CDH22: variants seen among roughly 807,000 people sequenced by gnomAD.
CDH22 encodes cadherin 22.
Under a neutral mutation model 58.4 loss-of-function variants are expected in CDH22, and 30 were observed. The observed-to-expected ratio is 0.51, with a 90% CI of 0.38 to 0.70. The LOEUF (loss-of-function observed/expected upper bound fraction) is 0.70, where lower values mean the gene tolerates loss of function less well. Ranked by LOEUF, CDH22 falls within the 30% of genes least tolerant of loss-of-function variation. CDH22 has a pLI of 0.00. For synonymous variants in CDH22, 513 were observed against 558.2 expected (o/e 0.92, Z 1.14); for missense variants, 1,014 against 1,233.9 (o/e 0.82, Z 2.67).
intron 1 of CDH22, among the ~76,000 whole-genome samples, chr20:46,287,416 C>G (rs980271315): frequency 1.3e-5 from 2 of 152,076 alleles, no homozygotes; most frequent in African/African-American, 4.8e-5. Flanking sequence ...ACAGGGAGCT[C>G]GGACTAGTCT....
chr20:46,305,513 A>T (rs1156525413), intron 1 of CDH22, among the ~76,000 whole-genome samples: 1 of 152,148 alleles, frequency 6.6e-6, no homozygotes, highest in Non-Finnish European at 1.5e-5. Context: ...GGGAGGAATG[A>T]GGAAGTCCTT....
chr20:46,292,119 A>G (rs1427399093), intron 1 of CDH22, among the ~76,000 whole-genome samples: 1 of 152,168 alleles, frequency 6.6e-6, no homozygotes, highest in Non-Finnish European at 1.5e-5. Flanking sequence ...GTCACACCTT[A>G]CCCAAGGTCA....
chr20:46,189,116 G>A (rs966239408), intron 8 of CDH22, among the ~76,000 whole-genome samples: 2 of 152,176 alleles, frequency 1.3e-5, no homozygotes, highest in Admixed American at 6.5e-5. Flanking sequence ...CTGGGGGGGC[G>A]GGCGGCGGTC....
At position 46,238,561 on chromosome 20, in the gene CDH22, T is replaced by C. The variant is rs2086269852; in HGVS notation, c.550+2402A>G. 2.6e-5 allele frequency among the ~76,000 whole-genome samples: 4 copies of C among 152,238 alleles called. No homozygotes were observed. In the South Asian group the frequency reaches 8.3e-4, roughly 31 times the overall value. On this transcript the variant is annotated intron_variant, in intron 3 of 11. Coordinates refer to ENST00000537909, the MANE Select transcript of CDH22 (RefSeq NM_021248.3). ...CTTAACAAACTTCACGCCAAACTCCTAATTTCCTCTCATCCCCCAAATCTG... is the reference window on the plus strand; with the variant it reads ...CTTAACAAACTTCACGCCAAACTCCCAATTTCCTCTCATCCCCCAAATCTG...
rs753529105 is a variant in CDH22 at position 46,241,203 on chromosome 20, C to T, written c.310G>A (p.Glu104Lys). 6.2e-7 allele frequency: 1 copy of T among 1,613,794 alleles called. No homozygotes were observed. Among genetic ancestry groups the T allele is most frequent in the East Asian group, 2.2e-5 (1 of 44,882 alleles). ...ATCAGGAAGATGGTCCCAGCACCCTCGCCTGAGATGGTGTACTTGATGGCC... is the reference window on the plus strand; with the variant it reads ...ATCAGGAAGATGGTCCCAGCACCCTTGCCTGAGATGGTGTACTTGATGGCC... Reference protein sequence around the residue: ...DGAIKYTISGEGAGTIFLIDE... With the variant: ...DGAIKYTISGKGAGTIFLIDE... Residue 104 changes from glutamate to lysine, a missense_variant, in exon 3 of 12, where the codon GAG (glutamate) becomes AAG (lysine). Transcript: ENST00000537909. The surrounding 1 kb of genome is among the most constrained non-coding windows in gnomAD (Gnocchi z 5.2).
chr20:46,224,159 T>A (rs1239788028), intron 4 of CDH22, among the ~76,000 whole-genome samples: 1 of 152,158 alleles, frequency 6.6e-6, no homozygotes. Flanking sequence ...GGCTGTGAAG[T>A]CTTAATCTAA....
At chr20:46,306,279 G>T (rs1326056918) in intron 1 of CDH22, among the ~76,000 whole-genome samples, 1 of 152,242 alleles carries the variant, frequency 6.6e-6, no homozygotes, top group Non-Finnish European at 1.5e-5. Context: ...AAGATGCCTG[G>T]GTTCCTATTC....
At chr20:46,220,094 GAGAC>G (rs915977190) in intron 4 of CDH22, among the ~76,000 whole-genome samples, 6 of 151,714 alleles carry the variant, frequency 4.0e-5, no homozygotes, top group Non-Finnish European at 8.8e-5. Flanking sequence ...CAGGAGGAAA[GAGAC>G]AGAGAGGAAG....
At chr20:46,282,906 A>G (rs528083660) in intron 1 of CDH22, among the ~76,000 whole-genome samples, 1 of 152,246 alleles carries the variant, frequency 6.6e-6, no homozygotes, top group South Asian at 2.1e-4. Context: ...TTTGTTCAGG[A>G]AGGCGGGCTC....
intron 2 of CDH22, among the ~76,000 whole-genome samples, chr20:46,245,537 A>ATG (rs546735178): frequency 7.3e-5 from 11 of 151,698 alleles, no homozygotes; most frequent in African/African-American, 2.4e-4. Context: ...AAAGTTGAAT[A>ATG]TGTGTGTGTG....
chr20:46,270,008 C>T (rs1435609942), intron 1 of CDH22, among the ~76,000 whole-genome samples: 1 of 152,162 alleles, frequency 6.6e-6, no homozygotes, highest in Non-Finnish European at 1.5e-5. Flanking sequence ...GGTAGGCTTG[C>T]TGCAGCAGGA....
At chr20:46,307,432 C>G (rs1242727666) in intron 1 of CDH22, among the ~76,000 whole-genome samples, 1 of 152,230 alleles carries the variant, frequency 6.6e-6, no homozygotes, top group Non-Finnish European at 1.5e-5. Context: ...AACGCCGCGG[C>G]CCCCGAGGGT....
At chr20:46,175,932 C>G (rs2085735348) in intron 11 of CDH22, among the ~76,000 whole-genome samples, 1 of 152,200 alleles carries the variant, frequency 6.6e-6, no homozygotes, top group African/African-American at 2.4e-5. Context: ...ATCTTGGTGC[C>G]TGGCATGCAG....
At chr20:46,260,238 A>G (rs2086426623) in intron 1 of CDH22, among the ~76,000 whole-genome samples, 1 of 152,182 alleles carries the variant, frequency 6.6e-6, no homozygotes, top group African/African-American at 2.4e-5. Context: ...AATAGCAGCC[A>G]CTTTTGGTTG....
chr20:46,245,146 G>T (rs528486831), intron 2 of CDH22, among the ~76,000 whole-genome samples: 3 of 152,094 alleles, frequency 2.0e-5, no homozygotes, highest in Non-Finnish European at 4.4e-5. Flanking sequence ...TCTCAGGAGG[G>T]GTCGAGGGGT....
At chr20:46,237,189 G>T (rs899020026) in intron 3 of CDH22, among the ~76,000 whole-genome samples, 4 of 152,126 alleles carry the variant, frequency 2.6e-5, no homozygotes, top group Non-Finnish European at 5.9e-5. Flanking sequence ...GGGTCCAGAG[G>T]GGGCAGGAAG....
At chr20:46,295,856 G>A (rs1333891751) in intron 1 of CDH22, among the ~76,000 whole-genome samples, 1 of 152,224 alleles carries the variant, frequency 6.6e-6, no homozygotes, top group African/African-American at 2.4e-5. Flanking sequence ...TCAAACTCCA[G>A]GGCTCAAGCG....
chr20:46,227,496 C>A lies in CDH22; in HGVS notation c.670+12G>T. On this transcript the variant is annotated intron_variant, in intron 4 of 11. Transcript: ENST00000537909. ...CCCACGGCTCCGCCTCTGGCCCCGC[C>A]CTGCCCCTCACCGGTCTTGGGGTCC... 6.3e-7 allele frequency: 1 copy of A among 1,584,730 alleles called. No individual in the cohort carries two copies. The highest frequency in any genetic ancestry group is 8.5e-7 in the Non-Finnish European group (1 of 1,169,628).
chr20:46,200,395 G>A (rs967126893), intron 7 of CDH22, among the ~76,000 whole-genome samples: 1 of 142,478 alleles, frequency 7.0e-6, no homozygotes, highest in African/African-American at 2.6e-5. Flanking sequence ...CTGACTCACT[G>A]AGCCTCCCGA....
Sources: gnomAD v4.1 joint callset for allele counts (sites outside exome capture counted in the v4.1 genomes callset) on GRCh38, gnomAD v4.1.1 for gene constraint, Gnocchi (gnomAD v3.1) non-coding constraint, MANE v1.5 for transcripts, NCBI Gene and HGNC (gene_info 2026-07-23, HGNC 2026-07-21) for gene names.